KCNQ2: variants seen among roughly 807,000 people sequenced by gnomAD.
The protein encoded by KCNQ2 is potassium voltage-gated channel subfamily Q member 2, also known as potassium voltage-gated channel subfamily KQT member 2.
A neutral mutation model predicts 84.8 loss-of-function variants in KCNQ2; 14 were observed. The ratio of observed to expected loss-of-function variants is 0.17; its 90% confidence interval spans 0.11 to 0.26. KCNQ2 has a LOEUF of 0.26. KCNQ2 is among the 10% of genes least tolerant of loss of function. The probability of loss-of-function intolerance (pLI) is 1.00; values close to 1 mark genes in which losing one functional copy is unlikely to be tolerated. For synonymous variants in KCNQ2, 599 were observed against 554.1 expected, an observed-to-expected ratio of 1.08 and a Z score of -1.14; for missense variants, 788 against 1,254.0, an observed-to-expected ratio of 0.63 and a Z score of 5.61.
chr20:63,432,998 G>A (rs2080875097), intron 8 of KCNQ2, among the ~76,000 whole-genome samples: 2 of 152,194 alleles, frequency 1.3e-5, no homozygotes, highest in Non-Finnish European at 2.9e-5. Flanking sequence ...CAGAGCAGAG[G>A]GCGGGCGGGC....
chr20:63,454,946 C>A (rs916227896), intron 1 of KCNQ2, among the ~76,000 whole-genome samples: 5 of 152,248 alleles, frequency 3.3e-5, no homozygotes, highest in Admixed American at 2.6e-4. Flanking sequence ...GTGGGTACAG[C>A]CCCTCCTGCA....
Position 63,453,927 on chromosome 20 carries a change from G to A in KCNQ2, c.297-7090C>T, listed in dbSNP as rs182082333. ...ACTTGAATTCTGAGTCCTCAGTGCCGCATCCAGGAAGGCAGCTCCTCGGGC... is the reference window on the plus strand; with the variant it reads ...ACTTGAATTCTGAGTCCTCAGTGCCACATCCAGGAAGGCAGCTCCTCGGGC... On this transcript the variant is annotated intron_variant, in intron 1 of 16. Coordinates refer to ENST00000359125, the MANE Select transcript of KCNQ2 (RefSeq NM_172107.4). Among the ~76,000 whole-genome samples the A allele has an allele frequency of 2.8e-3, 420 of 152,192 alleles. 5 individuals carry two copies. The highest frequency in any genetic ancestry group is 0.024 in the Middle Eastern group (7 of 294).
chr20:63,452,322 G>A (rs73619479), intron 1 of KCNQ2, among the ~76,000 whole-genome samples: 1 of 152,246 alleles, frequency 6.6e-6, no homozygotes, highest in Non-Finnish European at 1.5e-5. Flanking sequence ...TCTGAGCTGA[G>A]GGCAGCAGGC....
In KCNQ2 at chr20:63,414,101, T is replaced by C. The variant is rs2145547478; in HGVS notation, c.1618A>G (p.Ile540Val). 2 of 1,613,404 alleles carry C rather than the reference T, an allele frequency of 1.2e-6. No homozygotes were observed. The highest frequency in any genetic ancestry group is 1.7e-6 in the Non-Finnish European group (2 of 1,179,830). The change falls in exon 14 of 17, where the codon ATC becomes GTC. Residue 540 changes from isoleucine (I) to valine (V), a missense_variant. This residue lies in a region of KCNQ2 where 202 missense variants were observed against 239.4 expected (regional missense o/e 0.84). Coordinates refer to ENST00000359125, the MANE Select transcript of KCNQ2 (RefSeq NM_172107.4). The surrounding 1 kb of genome is among the most constrained non-coding windows in gnomAD (Gnocchi z 6.6). ...EDLTPGLKVS[I>V]RAVCVMRFLV... ...CAGGGGCCTCACCACACGGCTCTGATGCTGACTTTGAGGCCCGGGGTCAGG... is the reference window on the plus strand; with the variant it reads ...CAGGGGCCTCACCACACGGCTCTGACGCTGACTTTGAGGCCCGGGGTCAGG...
intron 3 of KCNQ2, 34 bp from the exon 4 acceptor site, chr20:63,444,868 G>A: frequency 6.4e-7 from 1 of 1,556,920 alleles, no homozygotes; most frequent in South Asian, 1.2e-5. Flanking sequence ...TGAGCTGCTG[G>A]GCCGCTCCCC....
chr20:63,462,652 G>A (rs2081985772), intron 1 of KCNQ2, among the ~76,000 whole-genome samples: 1 of 152,226 alleles, frequency 6.6e-6, no homozygotes, highest in African/African-American at 2.4e-5. Flanking sequence ...CAGCCACCAG[G>A]CAGCTTCTAG....
In KCNQ2 at chr20:63,408,133, C is replaced by A. The variant is rs1296583692; in HGVS notation, c.1887+280G>T. ...ACTTCCGGCACGTTCCACAAGGAAC[C>A]CCTGAGGGATCCACCTCTCAGCAGC... On this transcript the variant is annotated intron_variant, in intron 16 of 16. Coordinates refer to ENST00000359125, the MANE Select transcript of KCNQ2 (RefSeq NM_172107.4). The surrounding 1 kb of genome is among the most constrained non-coding windows in gnomAD (Gnocchi z 5.0). The A allele has an allele frequency of 8.4e-6, 4 of 476,214 alleles. No individual in the cohort carries two copies. The highest frequency in any genetic ancestry group is 1.6e-5 in the Non-Finnish European group (4 of 257,780). 29.5% of individuals were successfully genotyped at this position (476,214 alleles called of 1,614,324 possible).
intron 7 of KCNQ2, among the ~76,000 whole-genome samples, chr20:63,436,160 G>A (rs1265663794): frequency 6.6e-6 from 1 of 152,196 alleles, no homozygotes; most frequent in Admixed American, 6.5e-5. Flanking sequence ...CTATCCAACA[G>A]AATCGCATGC....
intron 12 of KCNQ2, among the ~76,000 whole-genome samples, 179 bp downstream of exon 12, chr20:63,419,440 G>C (rs41283016): frequency 2.3e-3 from 356 of 152,330 alleles, no homozygotes; most frequent in Middle Eastern, 6.8e-3. Context: ...CCCCAGCTCC[G>C]CCCTGCACGC....
intron 5 of KCNQ2, among the ~76,000 whole-genome samples, chr20:63,442,119 G>A (rs1284728454): frequency 6.6e-6 from 1 of 152,126 alleles, no homozygotes; most frequent in Non-Finnish European, 1.5e-5. Flanking sequence ...CAGGTGGAGG[G>A]TCACTCAGGA....
chr20:63,453,219 C>A (rs2081666543), intron 1 of KCNQ2, among the ~76,000 whole-genome samples: 1 of 152,240 alleles, frequency 6.6e-6, no homozygotes, highest in Non-Finnish European at 1.5e-5. Flanking sequence ...CGGCTTCCAG[C>A]TCGAAGGCAC....
intron 4 of KCNQ2, among the ~76,000 whole-genome samples, chr20:63,444,198 G>C (rs753481143): frequency 2.5e-4 from 38 of 152,244 alleles, no homozygotes; most frequent in Admixed American, 2.6e-4. Context: ...TGGGGGGCCT[G>C]GGGCCCCTGG....
chr20:63,427,556 C>T (rs758312690), intron 10 of KCNQ2, among the ~76,000 whole-genome samples: 9 of 152,354 alleles, frequency 5.9e-5, no homozygotes, highest in South Asian at 2.1e-4. Context: ...CTGCTCCCTC[C>T]GAAAGCTCCA....
chr20:63,415,776 C>T lies in KCNQ2; in HGVS notation c.1302-650G>A, dbSNP rs1303321268. 5.3e-5 allele frequency among the ~76,000 whole-genome samples: 8 copies of T among 152,190 alleles called. No individual in the cohort carries two copies. In the East Asian group the frequency reaches 1.2e-3, roughly 22 times the overall value. ...AAACACCGGGGCTGTGGCTCTTCCT[C>T]GGGCACCTCTGTCTGCCCCGGCCCC... On this transcript the variant is annotated intron_variant, in intron 12 of 16. Coordinates refer to ENST00000359125, the MANE Select transcript of KCNQ2 (RefSeq NM_172107.4).
chr20:63,447,595 G>GTTTGT (rs56055261), intron 1 of KCNQ2: 14,227 of 151,572 alleles, frequency 0.094, 1,178 homozygotes, highest in East Asian at 0.46. Flanking sequence ...TTTTGTTTTT[G>GTTTGT]TTTGTTTTGT....
intron 12 of KCNQ2, among the ~76,000 whole-genome samples, chr20:63,417,674 G>A (rs1173708688): frequency 6.6e-6 from 1 of 152,250 alleles, no homozygotes; most frequent in Non-Finnish European, 1.5e-5. Context: ...GGCCAGGAAG[G>A]GTCAGGCCCC....
chr20:63,442,501 G>C lies in KCNQ2; in HGVS notation c.721C>G (p.Leu241Val). The C allele has an allele frequency of 6.2e-7, 1 of 1,613,490 alleles. No individual in the cohort carries two copies. The highest frequency in any genetic ancestry group is 8.5e-7 in the Non-Finnish European group (1 of 1,179,900). The change falls in exon 5 of 17, where the codon CTT becomes GTT. Residue 241 changes from leucine to valine, a missense_variant. Leu to Val is a conservative substitution (Grantham distance 32). Around this residue, in one of 8 missense-constraint regions of KCNQ2, gnomAD observed 18 missense variants for 166.0 expected, o/e 0.11. Coordinates refer to ENST00000359125, the MANE Select transcript of KCNQ2 (RefSeq NM_172107.4). ...ELVTAWYIGF[L>V]CLILASFLVY... ...AGGAACGAGGCCAGGATGAGACAAA[G>C]GAAGCCGATGTACCAGGCAGTGACC...
chr20:63,403,766 T>C lies in KCNQ2; in HGVS notation c.*2878A>G, dbSNP rs2079858083. 1 of 152,316 alleles carries C rather than the reference T, an allele frequency of 6.6e-6. No individual in the cohort carries two copies. Among genetic ancestry groups the C allele is most frequent in the Non-Finnish European group, 1.5e-5 (1 of 68,064 alleles). The allele number at this position is 152,316 out of a possible 1,614,324, so 9.4% of individuals were successfully genotyped here. A position where few individuals can be genotyped will look rare whatever the true frequency, so the allele number is the denominator to read the frequency against. On this transcript the variant is annotated 3_prime_UTR_variant, in exon 17 of 17. Transcript: ENST00000359125. ...GTATGCGGACATGTATGTGAGCACGTGTGTGTGCCAGTGGGCACGTAGGGA... is the reference window on the plus strand; with the variant it reads ...GTATGCGGACATGTATGTGAGCACGCGTGTGTGCCAGTGGGCACGTAGGGA...
chr20:63,466,382 C>T (rs1299099980), intron 1 of KCNQ2: 1 of 152,326 alleles, frequency 6.6e-6, no homozygotes, highest in Non-Finnish European at 1.5e-5. Flanking sequence ...CAACCCACGA[C>T]CTGGCCCTCA....
Sources: allele counts gnomAD v4.1 joint callset (sites outside exome capture counted in the v4.1 genomes callset), GRCh38; gene constraint gnomAD v4.1.1; regional missense constraint gnomAD v4.1.1; non-coding constraint Gnocchi (gnomAD v3.1); transcripts MANE v1.5; gene names NCBI Gene and HGNC (gene_info 2026-07-23, HGNC 2026-07-21).